The following THSD7B variants were observed in gnomAD, a reference collection of about 807,000 sequenced individuals.
The protein encoded by THSD7B is thrombospondin type 1 domain containing 7B, also known as thrombospondin type-1 domain-containing protein 7B.
Under a neutral mutation model 213.6 loss-of-function variants are expected in THSD7B, and 138 were observed. That is an observed-to-expected ratio of 0.65 (90% CI 0.56 to 0.74). The LOEUF (loss-of-function observed/expected upper bound fraction) is 0.74, where lower values mean the gene tolerates loss of function less well. THSD7B is among the 30% of genes least tolerant of loss of function. The probability of loss-of-function intolerance (pLI) is 0.00; values close to 1 mark genes in which losing one functional copy is unlikely to be tolerated. For synonymous variants in THSD7B, 742 were observed against 687.0 expected (o/e 1.08, Z -1.25); for missense variants, 1,931 against 1,991.5 (o/e 0.97, Z 0.58).
chr2:137,072,109 T>C (rs1160486059), intron 3 of THSD7B, among the ~76,000 whole-genome samples: 1 of 152,226 alleles, frequency 6.6e-6, no homozygotes, highest in African/African-American at 2.4e-5. Flanking sequence ...TGGTTCCATA[T>C]GAACTTTAAA....
At chr2:136,808,689 A>G (rs1682327396) in intron 1 of THSD7B, among the ~76,000 whole-genome samples, 1 of 152,244 alleles carries the variant, frequency 6.6e-6, no homozygotes, top group African/African-American at 2.4e-5. Flanking sequence ...AGCACTTGCT[A>G]TTGCCGATTC....
At chr2:136,801,444 T>G (rs1181213213) in intron 1 of THSD7B, among the ~76,000 whole-genome samples, 1 of 152,082 alleles carries the variant, frequency 6.6e-6, no homozygotes, top group Non-Finnish European at 1.5e-5. Flanking sequence ...GCTTCCAGAA[T>G]GCAACCTTAT....
At chr2:137,086,991 C>A (rs1687853573) in intron 3 of THSD7B, among the ~76,000 whole-genome samples, 1 of 152,004 alleles carries the variant, frequency 6.6e-6, no homozygotes, top group Non-Finnish European at 1.5e-5. Context: ...TTGAGCACAA[C>A]CAAAGGTCCC....
At chr2:137,674,787 A>G (rs947724233) in intron 27 of THSD7B, among the ~76,000 whole-genome samples, 1 of 152,146 alleles carries the variant, frequency 6.6e-6, no homozygotes, top group East Asian at 1.9e-4. Context: ...AGCACTCAGC[A>G]TATTCTCAAT....
chr2:136,827,253 A>G (rs1222034532), intron 1 of THSD7B, among the ~76,000 whole-genome samples: 1 of 152,216 alleles, frequency 6.6e-6, no homozygotes, highest in East Asian at 1.9e-4. Context: ...TATAGAGTAC[A>G]TGCAATATCC....
At chr2:137,222,291 C>T (rs1213306700) in intron 7 of THSD7B, among the ~76,000 whole-genome samples, 6 of 152,180 alleles carry the variant, frequency 3.9e-5, no homozygotes, top group African/African-American at 1.4e-4. Flanking sequence ...TCCAGCGTCA[C>T]ATTTTGGTAA....
At position 136,779,089 on chromosome 2, in the gene THSD7B, T is replaced by C. The variant is rs73957532; in HGVS notation, c.-36+13402T>C. 7.7e-3 allele frequency among the ~76,000 whole-genome samples: 1,178 copies of C among 152,098 alleles called. 13 individuals are homozygous for C. Among genetic ancestry groups the C allele is most frequent in the African/African-American group, 0.027 (1,112 of 41,474 alleles). Reference sequence around the variant, plus strand: ...TAATATATTACAGTTTATATTAGAGTTTTATTTTTATGAAGTGTGTAAACT... The same window carrying C: ...TAATATATTACAGTTTATATTAGAGCTTTATTTTTATGAAGTGTGTAAACT... On this transcript the variant is annotated intron_variant, in intron 1 of 27. Coordinates refer to ENST00000409968, the MANE Select transcript of THSD7B (RefSeq NM_001316349.2).
chr2:137,667,814 C>G lies in THSD7B; in HGVS notation c.4692C>G (p.Gly1564=). The change falls in exon 27 of 28, where the codon GGC becomes GGG. Residue 1564 remains glycine (G), a synonymous_variant. Coordinates refer to ENST00000409968, the MANE Select transcript of THSD7B (RefSeq NM_001316349.2). ...VKIWVYGVSG[G]AFLIMIFLIF... is the part of the protein sequence containing the mutation. ...TTTGGGTTTATGGCGTTTCAGGTGG[C>G]GCTTTTCTCATCATGATTTTCCTAA... 1 of 1,605,768 alleles carries G rather than the reference C, an allele frequency of 6.2e-7. No individual in the cohort carries two copies. Among genetic ancestry groups the G allele is most frequent in the South Asian group, 1.1e-5 (1 of 89,406 alleles).
At chr2:137,578,499 A>G (rs1162072258) in intron 17 of THSD7B, among the ~76,000 whole-genome samples, 1 of 152,238 alleles carries the variant, frequency 6.6e-6, no homozygotes, top group African/African-American at 2.4e-5. Context: ...ATGACCTAAC[A>G]AGGGTTTTGC....
chr2:137,276,056 A>G, intron 12 of THSD7B, 30 bp downstream of exon 12: 1 of 1,484,752 alleles, frequency 6.7e-7, no homozygotes, highest in African/African-American at 1.4e-5. Flanking sequence ...GTTTTTTTTT[A>G]TTAATACGTA....
chr2:137,492,532 A>C (rs1446894977), intron 15 of THSD7B, among the ~76,000 whole-genome samples: 1 of 152,194 alleles, frequency 6.6e-6, no homozygotes, highest in Non-Finnish European at 1.5e-5. Context: ...TTTCCTTGCC[A>C]AAGAAACATC....
At chr2:137,315,463 G>A (rs959207474) in intron 12 of THSD7B, among the ~76,000 whole-genome samples, 5 of 152,098 alleles carry the variant, frequency 3.3e-5, no homozygotes, top group East Asian at 1.9e-4. Flanking sequence ...GAAATCACCC[G>A]TCTTCTGCGT....
intron 1 of THSD7B, among the ~76,000 whole-genome samples, chr2:136,808,871 T>C (rs1371305850): frequency 6.6e-6 from 1 of 152,190 alleles, no homozygotes; most frequent in African/African-American, 2.4e-5. Flanking sequence ...AATTTTCTTT[T>C]AGGAGTCAGA....
At chr2:136,890,393 TC>T (rs1683809193) in intron 2 of THSD7B, among the ~76,000 whole-genome samples, 1 of 2,250 alleles carries the variant, frequency 4.4e-4, no homozygotes, top group African/African-American at 1.2e-3. Flanking sequence ...CTCTTCCTCT[TC>T]CTCTTCCTCT....
rs115897422 is a variant in THSD7B, at chr2:137,571,866, G to A, written c.3273-540G>A. 2.4e-3 allele frequency among the ~76,000 whole-genome samples: 367 copies of A among 152,058 alleles called. 2 individuals carry two copies. Among genetic ancestry groups the A allele is most frequent in the African/African-American group, 8.6e-3 (356 of 41,468 alleles). On this transcript the variant is annotated intron_variant, in intron 16 of 27. Coordinates refer to ENST00000409968, the MANE Select transcript of THSD7B (RefSeq NM_001316349.2). ...CTTTACTGAAATGCAGAAGTTACCT[G>A]AAAGAATACCTATTCAGATATTTTT...
chr2:137,116,599 A>G (rs1228695789), intron 5 of THSD7B, among the ~76,000 whole-genome samples: 1 of 152,222 alleles, frequency 6.6e-6, no homozygotes, highest in Non-Finnish European at 1.5e-5. Context: ...TCAACTTTTA[A>G]TCTGCTATTG....
intron 5 of THSD7B, among the ~76,000 whole-genome samples, chr2:137,156,523 C>A (rs1387484862): frequency 6.6e-6 from 1 of 152,122 alleles, no homozygotes; most frequent in Non-Finnish European, 1.5e-5. Context: ...AATTTCAAAT[C>A]TGAGGGTACC....
chr2:137,546,480 T>TATA (rs2105200419), intron 15 of THSD7B, among the ~76,000 whole-genome samples: 2 of 68,586 alleles, frequency 2.9e-5, no homozygotes, highest in African/African-American at 1.4e-4. Context: ...ATATATATAA[T>TATA]ATATATATAT....
intron 1 of THSD7B, among the ~76,000 whole-genome samples, chr2:136,881,893 G>A (rs954386077): frequency 6.6e-6 from 1 of 152,068 alleles, no homozygotes; most frequent in Non-Finnish European, 1.5e-5. Context: ...GGGGAAATAA[G>A]TAGTTTTATC....
Sources: allele counts gnomAD v4.1 joint callset (sites outside exome capture counted in the v4.1 genomes callset), GRCh38; gene constraint gnomAD v4.1.1; transcripts MANE v1.5; gene names NCBI Gene and HGNC (gene_info 2026-07-23, HGNC 2026-07-21).